The following TMBIM4 variants were observed in gnomAD, a reference collection of about 807,000 sequenced individuals.
TMBIM4 encodes the protein transmembrane BAX inhibitor motif containing 4.
Under a neutral mutation model 27.7 loss-of-function variants are expected in TMBIM4, and 28 were observed. The observed-to-expected ratio is 1.01, with a 90% CI of 0.75 to 1.38. TMBIM4 has a LOEUF of 1.38. Ranked by LOEUF, TMBIM4 falls within the 40% of genes most tolerant of loss-of-function variation. The probability of loss-of-function intolerance (pLI) is 0.00; values close to 1 mark genes in which losing one functional copy is unlikely to be tolerated. For missense variants in TMBIM4, 265 were observed against 277.5 expected, an observed-to-expected ratio of 0.95 and a Z score of 0.32; for synonymous variants, 115 against 113.1, an observed-to-expected ratio of 1.02 and a Z score of -0.11.
rs763089089 is a variant in TMBIM4 at position 66,138,076 on chromosome 12, G to A, written c.601C>T (p.Leu201=). The part of the protein sequence containing the change: ...CGFIIYDTHS[L]MHKLSPEEYV... ...TCTTCAGGTGACAGTTTATGCATCA[G>A]TGAGTGTGTGTCATAGATGATGAAT... Residue 201 remains leucine, a synonymous_variant, in exon 7 of 7, where the codon CTG becomes TTG. Coordinates refer to ENST00000358230, the MANE Select transcript of TMBIM4 (RefSeq NM_016056.4). 1.9e-6 allele frequency: 3 copies of A among 1,613,952 alleles called. No homozygotes were observed. The African/African-American group carries it at 4.0e-5, about 22-fold the overall frequency.
Position 66,136,217 on chromosome 12 carries a change from A to C in TMBIM4, c.*1743T>G, listed in dbSNP as rs2051579572. On this transcript the variant is annotated 3_prime_UTR_variant, in exon 7 of 7. Transcript: ENST00000358230. ...AGACATCATTATTCCCATTATGAAG[A>C]TGAGGCAGAAGACCTAAGGAAGGAT... 6.6e-6 allele frequency: 1 copy of C among 152,172 alleles called. No homozygotes were observed. The highest frequency in any genetic ancestry group is 2.1e-4 in the South Asian group (1 of 4,824). The allele number at this position is 152,172 out of a possible 1,614,324, so 9.4% of individuals were successfully genotyped here.
intron 1 of TMBIM4, among the ~76,000 whole-genome samples, chr12:66,166,059 G>A (rs781447505): frequency 1.3e-5 from 2 of 152,126 alleles, no homozygotes; most frequent in African/African-American, 2.4e-5. Flanking sequence ...TTAGGACTTC[G>A]ATCTTTTTTG....
In TMBIM4 at chr12:66,152,289, C is replaced by A; in HGVS notation, c.294G>T (p.Leu98=). ...TACTCACAAATCCAAAAAGTAGGTA[C>A]AGGTTAAGGGGATACTTATGTCTGT... The part of the protein sequence containing the change: ...ILNRHKYPLN[L]YLLFGFTLLE... The change falls in exon 3 of 7, where the codon CTG becomes CTT. Residue 98 remains leucine (L), a synonymous_variant. Transcript: ENST00000358230. 1 of 1,590,088 alleles carries A rather than the reference C, an allele frequency of 6.3e-7. No individual in the cohort carries two copies. Among genetic ancestry groups the A allele is most frequent in the Non-Finnish European group, 8.6e-7 (1 of 1,167,740 alleles).
chr12:66,146,385 A>T (rs1352514986), intron 4 of TMBIM4, among the ~76,000 whole-genome samples: 2 of 152,194 alleles, frequency 1.3e-5, no homozygotes, highest in African/African-American at 4.8e-5. Flanking sequence ...GGACAGTAGC[A>T]GCAAATCCAG....
chr12:66,148,012 C>A, intron 3 of TMBIM4, 71 bp from the exon 4 acceptor site: 3 of 1,400,196 alleles, frequency 2.1e-6, no homozygotes, highest in Non-Finnish European at 3.0e-6. Context: ...TAATTTCTAG[C>A]AGCTTAATGT....
chr12:66,169,764 G>T (rs897218408), intron 1 of TMBIM4, 91 bp downstream of exon 1: 6 of 1,029,256 alleles, frequency 5.8e-6, no homozygotes, highest in Non-Finnish European at 8.1e-6. Flanking sequence ...CCCAGGAGAT[G>T]GCCGCTCTCC....
intron 5 of TMBIM4, among the ~76,000 whole-genome samples, chr12:66,139,442 G>T (rs1461957147): frequency 6.6e-6 from 1 of 152,142 alleles, no homozygotes. Flanking sequence ...TGAAACAACA[G>T]TTCTTGGACA....
chr12:66,165,269 A>G (rs926701138), intron 1 of TMBIM4, among the ~76,000 whole-genome samples: 17 of 152,160 alleles, frequency 1.1e-4, no homozygotes, highest in African/African-American at 3.4e-4. Context: ...TCTAAAAAAA[A>G]CAACAAAGTT....
intron 5 of TMBIM4, among the ~76,000 whole-genome samples, chr12:66,140,676 A>T (rs2051654185): frequency 6.6e-6 from 1 of 152,180 alleles, no homozygotes; most frequent in Admixed American, 6.5e-5. Flanking sequence ...TGGAGGGATC[A>T]CTTGAACCCA....
chr12:66,168,965 C>A, intron 1 of TMBIM4: 1 of 216,266 alleles, frequency 4.6e-6, no homozygotes, highest in East Asian at 1.3e-4. Context: ...AGTTCACTGG[C>A]CAAAATAATT....
At chr12:66,164,353 G>A (rs1001423308) in intron 1 of TMBIM4, among the ~76,000 whole-genome samples, 9 of 152,112 alleles carry the variant, frequency 5.9e-5, no homozygotes, top group Non-Finnish European at 8.8e-5. Context: ...GTGGATCTAC[G>A]GGCCATAAAT....
intron 3 of TMBIM4, among the ~76,000 whole-genome samples, chr12:66,152,000 G>A (rs1424933814): frequency 6.6e-6 from 1 of 152,046 alleles, no homozygotes; most frequent in African/African-American, 2.4e-5. Flanking sequence ...GACACAGAAA[G>A]GATAAATGCC....
At chr12:66,167,704 C>G (rs2052155266) in intron 1 of TMBIM4, among the ~76,000 whole-genome samples, 2 of 152,146 alleles carry the variant, frequency 1.3e-5, no homozygotes, top group Non-Finnish European at 2.9e-5. Context: ...TATGGCCGTT[C>G]CTTAAATAAT....
At chr12:66,160,287 G>T in intron 1 of TMBIM4, 1 of 702,050 alleles carries the variant, frequency 1.4e-6, no homozygotes, top group East Asian at 2.7e-5. Context: ...TTTGCTGAAG[G>T]TACAATCTCT....
At chr12:66,158,644 CAA>C (rs71434101) in intron 1 of TMBIM4, among the ~76,000 whole-genome samples, 8 of 109,414 alleles carry the variant, frequency 7.3e-5, no homozygotes, top group Non-Finnish European at 9.8e-5. Context: ...GACTCTGTCT[CAA>C]AAAAAAAAAA....
Position 66,158,042 on chromosome 12 carries a change from C to T in TMBIM4, c.98-4594G>A, listed in dbSNP as rs562390876. Among the ~76,000 whole-genome samples the T allele has an allele frequency of 2.6e-4, 38 of 148,736 alleles. 1 individual carries two copies. The South Asian group carries it at 4.3e-3, about 17-fold the overall frequency. Reference sequence around the variant, plus strand: ...GAGATCAAGACCATCCTCGCTAACACGGTGAAATCCTGTGCCTACTAAAAG... The same window carrying T: ...GAGATCAAGACCATCCTCGCTAACATGGTGAAATCCTGTGCCTACTAAAAG... On this transcript the variant is annotated intron_variant, in intron 1 of 6. Transcript: ENST00000358230.
chr12:66,152,481 G>A, intron 2 of TMBIM4, 105 bp from the exon 3 acceptor site: 2 of 689,422 alleles, frequency 2.9e-6, no homozygotes, highest in Non-Finnish European at 2.2e-6. Context: ...TGAAAGTACA[G>A]GGGAAAAAAT....
Position 66,153,395 on chromosome 12 carries a change from C to T in TMBIM4, c.151G>A (p.Val51Met). The change falls in exon 2 of 7, where the codon GTG (valine) becomes ATG (methionine). Residue 51 changes from valine to methionine, a missense_variant. By Grantham distance (21) the Val-to-Met change is conservative. Transcript: ENST00000358230. ...ILSLQVLLTT[V>M]TSTVFLYFES... ...AAGTATAAAAAAACTGTTGAAGTCA[C>T]TGTAGTTAAGAGAACCTGCAGAGAA... 3.7e-6 allele frequency: 6 copies of T among 1,602,498 alleles called. No homozygotes were observed. Among genetic ancestry groups the T allele is most frequent in the Non-Finnish European group, 5.1e-6 (6 of 1,176,554 alleles).
chr12:66,138,716 T>C lies in TMBIM4; in HGVS notation c.510+8A>G. On this transcript the variant is annotated splice_region_variant and intron_variant, in intron 6 of 6. Transcript: ENST00000358230. The stretch of plus-strand genomic sequence containing the variant: ...ATATTTCAAATTAACCATTATAACA[T>C]AACTTACCTTCAAGAATCCTGACAG... The C allele has an allele frequency of 6.5e-7, 1 of 1,547,916 alleles. No individual in the cohort carries two copies.
Sources: allele counts gnomAD v4.1 joint callset (sites outside exome capture counted in the v4.1 genomes callset), GRCh38; gene constraint gnomAD v4.1.1; transcripts MANE v1.5; gene names NCBI Gene and HGNC (gene_info 2026-07-23, HGNC 2026-07-21).